ZNF236: variants seen among roughly 807,000 people sequenced by gnomAD.
ZNF236 encodes zinc finger protein 236, also known as regulated by glucose.
Under a neutral mutation model 191.2 loss-of-function variants are expected in ZNF236, and 50 were observed. The observed-to-expected ratio is 0.26, with a 90% CI of 0.21 to 0.33. ZNF236 has a LOEUF of 0.33. Ranked by LOEUF, ZNF236 falls within the 10% of genes least tolerant of loss-of-function variation. The pLI is 1.00. For missense variants in ZNF236, 1,754 were observed against 2,374.5 expected, an observed-to-expected ratio of 0.74 and a Z score of 5.43; for synonymous variants, 907 against 928.8, an observed-to-expected ratio of 0.98 and a Z score of 0.43.
chr18:76,941,852 G>T (rs2122895708), intron 26 of ZNF236, among the ~76,000 whole-genome samples: 1 of 152,294 alleles, frequency 6.6e-6, no homozygotes, highest in South Asian at 2.1e-4. Flanking sequence ...AGCTTTATTT[G>T]AATCTTTTTT....
rs764266813 is a variant in ZNF236, at chr18:76,956,015, G to A, written c.4945G>A (p.Gly1649Ser). 30 of 1,610,466 alleles carry A rather than the reference G, an allele frequency of 1.9e-5. No individual in the cohort carries two copies. The highest frequency in any genetic ancestry group is 2.3e-5 in the Non-Finnish European group (27 of 1,179,570). The change falls in exon 28 of 31, where the codon GGC becomes AGC. Residue 1649 changes from glycine to serine, a missense_variant. Transcript: ENST00000320610. ...VAGVSGNLAP[G>S]NQPEKEGRAH... ...TGGCGTCTCTGGGAACCTGGCCCCG[G>A]GCAACCAGCCAGAGAAGGAGGGCCG...
chr18:76,877,626 T>C (rs1976753774), intron 6 of ZNF236, among the ~76,000 whole-genome samples: 1 of 152,232 alleles, frequency 6.6e-6, no homozygotes, highest in African/African-American at 2.4e-5. Context: ...GCATATTTGG[T>C]GTAATATGTA....
intron 1 of ZNF236, among the ~76,000 whole-genome samples, chr18:76,837,633 G>A (rs376365831): frequency 2.0e-5 from 3 of 151,430 alleles, no homozygotes; most frequent in African/African-American, 7.3e-5. Flanking sequence ...GTAGAGACAG[G>A]GTTTCACCAT....
rs1213252377 is a variant in ZNF236 at position 76,949,741 on chromosome 18, C to T, written c.4914+2089C>T. ...TGGTGCAATCTCAGCTCACTGCAACCTCCGCCTCCTGGGTTCAAGTGATTC... is the reference window on the plus strand; with the variant it reads ...TGGTGCAATCTCAGCTCACTGCAACTTCCGCCTCCTGGGTTCAAGTGATTC... On this transcript the variant is annotated intron_variant, in intron 27 of 30. Transcript: ENST00000320610. 2.2e-4 allele frequency among the ~76,000 whole-genome samples: 34 copies of T among 151,746 alleles called. 1 individual carries two copies. Among genetic ancestry groups the T allele is most frequent in the Admixed American group, 2.2e-3 (34 of 15,234 alleles).
At chr18:76,865,359 CAAAA>C (rs921099909) in intron 3 of ZNF236, among the ~76,000 whole-genome samples, 1 of 151,698 alleles carries the variant, frequency 6.6e-6, no homozygotes, top group Non-Finnish European at 1.5e-5. Context: ...CAAAACAAAA[CAAAA>C]AAAACCTCTC....
chr18:76,853,281 G>C (rs920396162), intron 3 of ZNF236, among the ~76,000 whole-genome samples: 3 of 151,926 alleles, frequency 2.0e-5, no homozygotes, highest in African/African-American at 7.3e-5. Context: ...GTTTCACCAT[G>C]TTGGCCAAGC....
intron 3 of ZNF236, among the ~76,000 whole-genome samples, chr18:76,864,578 ATAAG>A (rs1319571052): frequency 2.0e-5 from 3 of 151,900 alleles, no homozygotes; most frequent in African/African-American, 4.8e-5. Context: ...CACAAAAAGA[ATAAG>A]TAAGAATACA....
chr18:76,843,571 T>C (rs895571709), intron 1 of ZNF236, among the ~76,000 whole-genome samples: 29 of 134,820 alleles, frequency 2.2e-4, no homozygotes, highest in Non-Finnish European at 4.0e-4. Context: ...AGGTCAGGAG[T>C]TCGAGACCAT....
At chr18:76,909,958 A>G (rs1967172458) in intron 14 of ZNF236, 110 bp from the exon 15 acceptor site, 5 of 705,668 alleles carry the variant, frequency 7.1e-6, no homozygotes, top group Non-Finnish European at 9.8e-6. Context: ...TCTTTTCAAA[A>G]TAAGGTGTCT....
chr18:76,897,568 T>C (rs1468526003), intron 10 of ZNF236, among the ~76,000 whole-genome samples: 1 of 151,624 alleles, frequency 6.6e-6, no homozygotes, highest in Non-Finnish European at 1.5e-5. Flanking sequence ...CCACAGGTAC[T>C]GCACACAGGT....
intron 1 of ZNF236, among the ~76,000 whole-genome samples, chr18:76,828,331 T>C (rs1287180595): frequency 6.6e-6 from 1 of 152,038 alleles, no homozygotes; most frequent in African/African-American, 2.4e-5. Flanking sequence ...CATGCCTGGC[T>C]AATTTTTTGT....
Position 76,927,962 on chromosome 18 carries a change from G to C in ZNF236, c.4450G>C (p.Gly1484Arg). The change falls in exon 25 of 31, where the codon GGT becomes CGT. Residue 1484 changes from glycine to arginine, a missense_variant. By Grantham distance (125) the Gly-to-Arg change is moderately radical. Around this residue, in one of 5 missense-constraint regions of ZNF236, gnomAD observed 606 missense variants for 761.5 expected, o/e 0.80. Coordinates refer to ENST00000320610, the MANE Select transcript of ZNF236 (RefSeq NM_001306089.2). This position sits in a 1 kb window ranked among gnomAD's most constrained non-coding sequence, Gnocchi z 5.4. ...QDLTQVMTSQ[G>R]LVSPSGGPHE... Reference sequence around the variant, plus strand: ...CCTCACTCAAGTGATGACTTCGCAAGGTCTAGTGTCCCCCTCCGGCGGTCC... The same window carrying C: ...CCTCACTCAAGTGATGACTTCGCAACGTCTAGTGTCCCCCTCCGGCGGTCC... 6.2e-7 allele frequency: 1 copy of C among 1,611,220 alleles called. No homozygotes were observed. Among genetic ancestry groups the C allele is most frequent in the Non-Finnish European group, 8.5e-7 (1 of 1,178,652 alleles).
intron 26 of ZNF236, among the ~76,000 whole-genome samples, chr18:76,941,233 G>T (rs1278847238): frequency 6.6e-6 from 1 of 152,164 alleles, no homozygotes; most frequent in African/African-American, 2.4e-5. Flanking sequence ...TTTGGTGGCA[G>T]TGATGACCCT....
In ZNF236 at chr18:76,883,058, C is replaced by T. The variant is rs145899965; in HGVS notation, c.1417+1546C>T. Among the ~76,000 whole-genome samples the T allele has an allele frequency of 1.6e-4, 24 of 152,306 alleles. No homozygotes were observed. In the East Asian group the frequency reaches 4.4e-3, roughly 28 times the overall value. On this transcript the variant is annotated intron_variant, in intron 9 of 30. Coordinates refer to ENST00000320610, the MANE Select transcript of ZNF236 (RefSeq NM_001306089.2). ...TCCTGAGAGTACACATAGCCATGGT[C>T]CTTAGACCGAGAAGGTGAGCACCAC...
chr18:76,883,926 T>C (rs1420213304), intron 9 of ZNF236, among the ~76,000 whole-genome samples: 1 of 152,328 alleles, frequency 6.6e-6, no homozygotes, highest in Admixed American at 6.5e-5. Context: ...CTTCATTACG[T>C]TCCTAAGTTA....
Position 76,922,378 on chromosome 18 carries a change from C to G in ZNF236, c.3558-693C>G, listed in dbSNP as rs59757730. Among the ~76,000 whole-genome samples the G allele has an allele frequency of 2.9e-3, 435 of 152,260 alleles. 5 individuals carry two copies. The highest frequency in any genetic ancestry group is 1.0e-2 in the African/African-American group (415 of 41,538). On this transcript the variant is annotated intron_variant, in intron 20 of 30. Transcript: ENST00000320610. ...CAACAGGATGGGGGAAATGATATCT[C>G]GTCGTTTTCATCTGTTCTTCTTTGA...
At chr18:76,944,483 AT>A (rs1358632408) in intron 26 of ZNF236, among the ~76,000 whole-genome samples, 2 of 152,196 alleles carry the variant, frequency 1.3e-5, no homozygotes, top group Middle Eastern at 3.2e-3. Flanking sequence ...AAATCAGGGT[AT>A]TTGCATTAAG....
rs57114708 is a variant in ZNF236 at position 76,837,127 on chromosome 18, TCCC to T, written c.56-12389_56-12387del. Among the ~76,000 whole-genome samples the T allele has an allele frequency of 5.9e-4, 22 of 37,064 alleles. 2 individuals are homozygous for T. Among genetic ancestry groups the T allele is most frequent in the African/African-American group, 2.3e-3 (22 of 9,456 alleles). The allele number at this position is 37,064 out of a possible 152,430, so 24.3% of individuals were successfully genotyped here. A position where few individuals can be genotyped will look rare whatever the true frequency, so the allele number is the denominator to read the frequency against. ...CTGGCCTCAAGTGATCCGCACCCCC[TCCC>T]CCCCCCCCCGCCCCGCAAGCCTCCC... On this transcript the variant is annotated intron_variant, in intron 1 of 30. Transcript: ENST00000320610.
intron 1 of ZNF236, among the ~76,000 whole-genome samples, chr18:76,826,907 G>GT (rs970980273): frequency 1.3e-4 from 19 of 148,654 alleles, no homozygotes; most frequent in African/African-American, 4.0e-4. Flanking sequence ...TTTTGTTTTT[G>GT]TTTTTTTTGA....
Sources: allele counts gnomAD v4.1 joint callset (sites outside exome capture counted in the v4.1 genomes callset), GRCh38; gene constraint gnomAD v4.1.1; regional missense constraint gnomAD v4.1.1; non-coding constraint Gnocchi (gnomAD v3.1); transcripts MANE v1.5; gene names NCBI Gene and HGNC (gene_info 2026-07-23, HGNC 2026-07-21).